Variants in RIN3 observed in about 807,000 individuals in gnomAD.
RIN3 encodes the protein RAB5 interacting protein 3.
Under a neutral mutation model 76.3 loss-of-function variants are expected in RIN3, and 54 were observed. The ratio of observed to expected loss-of-function variants is 0.71; its 90% CI spans 0.57 to 0.89. The LOEUF is 0.89. Ranked by LOEUF, RIN3 falls within the 40% of genes least tolerant of loss-of-function variation. The pLI is 0.00. For synonymous variants in RIN3, 576 were observed against 564.0 expected (o/e 1.02, Z -0.30); for missense variants, 1,256 against 1,322.1 (o/e 0.95, Z 0.78).
intron 3 of RIN3, among the ~76,000 whole-genome samples, chr14:92,613,193 C>T (rs1378458343): frequency 6.6e-6 from 1 of 152,188 alleles, no homozygotes; most frequent in Non-Finnish European, 1.5e-5. Context: ...TCTCCCCTCT[C>T]TGCTGCCGGA....
Position 92,659,346 on chromosome 14 carries a change from A to G in RIN3, c.2212A>G (p.Met738Val), listed in dbSNP as rs1321749078. Reference protein sequence around the residue: ...GVTTSVPEVPMMEKILQKFTS... With the variant: ...GVTTSVPEVPVMEKILQKFTS... ...GACCACCAGCGTGCCGGAGGTGCCCATGATGGAGAAGATCCTGCAGAAGTT... is the reference window on the plus strand; with the variant it reads ...GACCACCAGCGTGCCGGAGGTGCCCGTGATGGAGAAGATCCTGCAGAAGTT... The change falls in exon 7 of 10, where the codon ATG (methionine) becomes GTG (valine). Residue 738 changes from methionine (M) to valine (V), a missense_variant. Transcript: ENST00000216487. The G allele has an allele frequency of 6.2e-7, 1 of 1,612,586 alleles. No homozygotes were observed. Among genetic ancestry groups the G allele is most frequent in the Admixed American group, 1.7e-5 (1 of 59,852 alleles).
In RIN3 at chr14:92,527,126, C is replaced by T. The variant is rs541980947; in HGVS notation, c.44+13150C>T. Among the ~76,000 whole-genome samples, 606 of 149,908 alleles carry T rather than the reference C, an allele frequency of 4.0e-3. 3 individuals are homozygous for T. The highest frequency in any genetic ancestry group is 5.5e-3 in the Non-Finnish European group (372 of 67,676). ...AGTGCAGTGGCACGATCTCAGCTCA[C>T]TGCAAGCTCCGCCTCCTGGGTTCAC... On this transcript the variant is annotated intron_variant, in intron 1 of 9. Coordinates refer to ENST00000216487, the MANE Select transcript of RIN3 (RefSeq NM_024832.5).
chr14:92,558,253 G>A (rs1897657500), intron 2 of RIN3, among the ~76,000 whole-genome samples: 1 of 152,196 alleles, frequency 6.6e-6, no homozygotes, highest in African/African-American at 2.4e-5. Context: ...GGAGGCTGAG[G>A]TGGGAGAATT....
chr14:92,647,906 G>A (rs1482506055), intron 5 of RIN3, among the ~76,000 whole-genome samples: 1 of 152,138 alleles, frequency 6.6e-6, no homozygotes, highest in Non-Finnish European at 1.5e-5. Flanking sequence ...CTCAGTCTGA[G>A]GCCAGGGCAA....
chr14:92,537,701 G>A (rs1199097981), intron 1 of RIN3, among the ~76,000 whole-genome samples: 1 of 139,276 alleles, frequency 7.2e-6, no homozygotes, highest in Non-Finnish European at 1.5e-5. Flanking sequence ...CTGTAGTGCA[G>A]TGGCACAATC....
intron 1 of RIN3, among the ~76,000 whole-genome samples, chr14:92,533,412 G>T (rs546353772): frequency 6.6e-6 from 1 of 152,294 alleles, no homozygotes; most frequent in South Asian, 2.1e-4. Context: ...ACTTGCACAC[G>T]CATGTTTATG....
At chr14:92,639,798 C>CTGCCTGACTGTGCGTTTGCTGGGAGA (rs1886921034) in intron 4 of RIN3, among the ~76,000 whole-genome samples, 7 of 152,054 alleles carry the variant, frequency 4.6e-5, no homozygotes, top group Non-Finnish European at 5.9e-5. Context: ...TCAGATGGAC[C>CTGCCTGACTGTGCGTTTGCTGGGAGA]TGCCTGACTG....
intron 8 of RIN3, among the ~76,000 whole-genome samples, chr14:92,679,931 T>C (rs1019554250): frequency 2.0e-5 from 3 of 152,158 alleles, no homozygotes; most frequent in African/African-American, 7.2e-5. Context: ...GACATCAAGT[T>C]AGATTGGCAG....
At position 92,611,136 on chromosome 14, in the gene RIN3, G is replaced by A. The variant is rs115537673; in HGVS notation, c.368-4271G>A. ...AGGCTTGGTTCCTTCTGGAGACTGC[G>A]GAAGCATCTGTTCCATGCCTCCCTC... On this transcript the variant is annotated intron_variant, in intron 3 of 9. Transcript: ENST00000216487. Among the ~76,000 whole-genome samples the A allele has an allele frequency of 3.5e-3, 534 of 152,236 alleles. 1 individual carries two copies. The highest frequency in any genetic ancestry group is 0.012 in the African/African-American group (480 of 41,534).
chr14:92,572,026 A>G (rs1898073592), intron 2 of RIN3, among the ~76,000 whole-genome samples: 1 of 152,238 alleles, frequency 6.6e-6, no homozygotes, highest in Non-Finnish European at 1.5e-5. Flanking sequence ...TTTATTAATA[A>G]AGCTTTACAG....
At chr14:92,559,526 T>G (rs1897702687) in intron 2 of RIN3, among the ~76,000 whole-genome samples, 1 of 152,208 alleles carries the variant, frequency 6.6e-6, no homozygotes, top group Non-Finnish European at 1.5e-5. Flanking sequence ...CTTACCACTG[T>G]CCTCTCCGAG....
intron 4 of RIN3, among the ~76,000 whole-genome samples, chr14:92,640,752 C>T (rs183316090): frequency 6.9e-6 from 1 of 145,340 alleles, no homozygotes; most frequent in African/African-American, 2.6e-5. Flanking sequence ...TGGGAGATGC[C>T]TGACTGTGTG....
intron 2 of RIN3, among the ~76,000 whole-genome samples, chr14:92,556,419 G>A (rs1897583920): frequency 6.6e-6 from 1 of 152,156 alleles, no homozygotes; most frequent in Non-Finnish European, 1.5e-5. Context: ...TGTTTTGGAG[G>A]TCAGGCTCTG....
intron 4 of RIN3, among the ~76,000 whole-genome samples, chr14:92,616,437 A>C (rs1227925009): frequency 6.6e-6 from 1 of 152,188 alleles, no homozygotes; most frequent in Non-Finnish European, 1.5e-5. Context: ...TACTTGGCCT[A>C]CACTGTATGG....
chr14:92,655,360 GAC>G (rs2140146420), intron 6 of RIN3, among the ~76,000 whole-genome samples: 1 of 152,252 alleles, frequency 6.6e-6, no homozygotes, highest in East Asian at 1.9e-4. Context: ...GAAGGAAAGA[GAC>G]AGAGAGACAG....
chr14:92,678,334 C>T (rs1220362856), intron 8 of RIN3, among the ~76,000 whole-genome samples: 1 of 151,560 alleles, frequency 6.6e-6, no homozygotes, highest in Admixed American at 6.6e-5. Context: ...ACATATTCAT[C>T]CACCCATCCA....
At chr14:92,671,874 A>T (rs1207080092) in intron 7 of RIN3, among the ~76,000 whole-genome samples, 17 of 152,238 alleles carry the variant, frequency 1.1e-4, no homozygotes, top group Admixed American at 1.1e-3. Flanking sequence ...GAGTGTGGCC[A>T]GAAAGGCAGG....
intron 1 of RIN3, among the ~76,000 whole-genome samples, chr14:92,545,980 C>T (rs1897254746): frequency 6.6e-6 from 1 of 151,422 alleles, no homozygotes; most frequent in African/African-American, 2.4e-5. Flanking sequence ...GGCCGGAGTG[C>T]AGTGGCATGA....
chr14:92,554,902 G>A (rs773773664), intron 1 of RIN3, among the ~76,000 whole-genome samples: 6 of 152,098 alleles, frequency 3.9e-5, no homozygotes, highest in South Asian at 2.1e-4. Context: ...CAGCCTGGGC[G>A]ACAGAGCAAG....
Sources: gnomAD v4.1 joint callset for allele counts (sites outside exome capture counted in the v4.1 genomes callset) on GRCh38, gnomAD v4.1.1 for gene constraint, MANE v1.5 for transcripts, NCBI Gene and HGNC (gene_info 2026-07-23, HGNC 2026-07-21) for gene names.